Variants in GNAQ observed in about 807,000 individuals in gnomAD.
The protein encoded by GNAQ is G protein subunit alpha q, also known as guanine nucleotide-binding protein G(q) subunit alpha.
Under a neutral mutation model 43.9 loss-of-function variants are expected in GNAQ, and 8 were observed. The observed-to-expected ratio is 0.18, with a 90% CI of 0.11 to 0.33. The LOEUF is 0.33. Among genes scored for constraint, GNAQ ranks in the 10% least tolerant of loss-of-function variants. The pLI is 1.00. For synonymous variants in GNAQ, 155 were observed against 170.7 expected (o/e 0.91, Z 0.71); for missense variants, 158 against 450.8 (o/e 0.35, Z 5.88).
rs536552804 is a variant in GNAQ, at chr9:77,868,784, A to G, written c.322-53014T>C. On this transcript the variant is annotated intron_variant, in intron 2 of 6. Transcript: ENST00000286548. Reference sequence around the variant, plus strand: ...CACTCCAGCCTGGTGACAGAGCGAGACTCCATCTCAAAACAAACAAACAAA... The same window carrying G: ...CACTCCAGCCTGGTGACAGAGCGAGGCTCCATCTCAAAACAAACAAACAAA... 2.0e-5 allele frequency among the ~76,000 whole-genome samples: 3 copies of G among 151,754 alleles called. No homozygotes were observed. The South Asian group carries it at 6.3e-4, about 32-fold the overall frequency.
intron 1 of GNAQ, among the ~76,000 whole-genome samples, chr9:77,945,879 G>T (rs1446005115): frequency 2.0e-5 from 3 of 152,084 alleles, no homozygotes; most frequent in Non-Finnish European, 4.4e-5. Flanking sequence ...AGGAAACTGA[G>T]GTCTACTGAA....
chr9:77,855,984 C>T (rs904123873), intron 2 of GNAQ, among the ~76,000 whole-genome samples: 1 of 152,154 alleles, frequency 6.6e-6, no homozygotes, highest in African/African-American at 2.4e-5. Context: ...GAACATAACA[C>T]AGACTATAGC....
intron 1 of GNAQ, among the ~76,000 whole-genome samples, chr9:78,017,779 T>C (rs1032286730): frequency 6.6e-6 from 1 of 152,136 alleles, no homozygotes; most frequent in African/African-American, 2.4e-5. Flanking sequence ...AAAGGCTAAT[T>C]TCATTTGTAG....
At chr9:77,946,495 C>T (rs934867066) in intron 1 of GNAQ, among the ~76,000 whole-genome samples, 1 of 152,180 alleles carries the variant, frequency 6.6e-6, no homozygotes, top group Non-Finnish European at 1.5e-5. Context: ...AAGCACATTA[C>T]GTCTTAGCAC....
chr9:77,862,055 AC>A (rs1827864102), intron 2 of GNAQ, among the ~76,000 whole-genome samples: 1 of 149,832 alleles, frequency 6.7e-6, no homozygotes, highest in Non-Finnish European at 1.5e-5. Flanking sequence ...ATGGTCTTGG[AC>A]AGTTCTGCCG....
At chr9:77,992,894 G>A (rs557215469) in intron 1 of GNAQ, among the ~76,000 whole-genome samples, 13 of 152,226 alleles carry the variant, frequency 8.5e-5, no homozygotes, top group South Asian at 6.2e-4. Flanking sequence ...GCAGCGAGCC[G>A]AGATCAAGCC....
intron 5 of GNAQ, among the ~76,000 whole-genome samples, chr9:77,749,969 G>A (rs1043762893): frequency 1.3e-5 from 2 of 151,822 alleles, no homozygotes; most frequent in African/African-American, 4.8e-5. Flanking sequence ...AATTTAGACT[G>A]TTTTATTCTC....
chr9:77,975,837 C>T (rs993332005), intron 1 of GNAQ, among the ~76,000 whole-genome samples: 1 of 151,914 alleles, frequency 6.6e-6, no homozygotes, highest in Non-Finnish European at 1.5e-5. Context: ...CGCTCAGCCC[C>T]GTTATCGGCC....
intron 1 of GNAQ, among the ~76,000 whole-genome samples, chr9:77,938,861 A>G (rs1003488673): frequency 6.6e-6 from 1 of 152,226 alleles, no homozygotes; most frequent in Non-Finnish European, 1.5e-5. Context: ...CTAAGTATGC[A>G]CAACTGAATA....
chr9:77,933,905 C>G (rs901358537), intron 1 of GNAQ, among the ~76,000 whole-genome samples: 1 of 152,114 alleles, frequency 6.6e-6, no homozygotes, highest in Non-Finnish European at 1.5e-5. Context: ...AATGCAGCGG[C>G]TGGGAAATTA....
intron 5 of GNAQ, among the ~76,000 whole-genome samples, chr9:77,732,034 C>G (rs1370556134): frequency 6.6e-6 from 1 of 152,110 alleles, no homozygotes; most frequent in Non-Finnish European, 1.5e-5. Flanking sequence ...CCTAAATGGA[C>G]TAAATGAGAT....
At chr9:77,763,114 A>C (rs1387445898) in intron 5 of GNAQ, among the ~76,000 whole-genome samples, 2 of 140,518 alleles carry the variant, frequency 1.4e-5, no homozygotes, top group African/African-American at 5.3e-5. Flanking sequence ...AATTAAAAAA[A>C]AACAAAAAAA....
intron 5 of GNAQ, among the ~76,000 whole-genome samples, chr9:77,751,405 T>C (rs1272540500): frequency 6.6e-6 from 1 of 152,228 alleles, no homozygotes; most frequent in African/African-American, 2.4e-5. Context: ...ACTAACTCTA[T>C]ATACATGGCA....
At chr9:77,724,477 G>A (rs11145545) in intron 6 of GNAQ, among the ~76,000 whole-genome samples, 16 of 152,204 alleles carry the variant, frequency 1.1e-4, no homozygotes, top group African/African-American at 3.9e-4. Context: ...GATTACAGGC[G>A]TGAGCCACCA....
At chr9:77,745,369 C>T (rs1006845772) in intron 5 of GNAQ, among the ~76,000 whole-genome samples, 1 of 152,040 alleles carries the variant, frequency 6.6e-6, no homozygotes, top group Admixed American at 6.6e-5. Flanking sequence ...GCAGAAAATA[C>T]TGAGACCTAA....
At chr9:77,903,911 T>C (rs1828658349) in intron 2 of GNAQ, among the ~76,000 whole-genome samples, 1 of 143,382 alleles carries the variant, frequency 7.0e-6, no homozygotes, top group African/African-American at 2.5e-5. Flanking sequence ...TACACATACC[T>C]TCCATATTTT....
intron 2 of GNAQ, among the ~76,000 whole-genome samples, chr9:77,893,775 T>A (rs1011003655): frequency 5.9e-5 from 9 of 152,154 alleles, no homozygotes; most frequent in African/African-American, 2.2e-4. Context: ...TAAGTAAATT[T>A]ATGGATTCTT....
At position 77,718,419 on chromosome 9, in the gene GNAQ, A is replaced by G. The variant is rs1281707526; in HGVS notation, c.*2904T>C. 1.3e-5 allele frequency: 3 copies of G among 232,400 alleles called. No homozygotes were observed. The highest frequency in any genetic ancestry group is 6.1e-5 in the East Asian group (1 of 16,512). 14.4% of individuals were successfully genotyped at this position (232,400 alleles called of 1,614,324 possible). On this transcript the variant is annotated 3_prime_UTR_variant, in exon 7 of 7. Coordinates refer to ENST00000286548, the MANE Select transcript of GNAQ (RefSeq NM_002072.5). The stretch of plus-strand genomic sequence containing the variant: ...GGCTAAAATTAGGTTTCTATGCATC[A>G]CTGCTGCTAGGGTGATCAATTTTTT...
intron 3 of GNAQ, among the ~76,000 whole-genome samples, chr9:77,802,388 T>G (rs951835379): frequency 6.6e-5 from 10 of 151,814 alleles, no homozygotes; most frequent in Non-Finnish European, 1.3e-4. Context: ...ATGGTAAGAG[T>G]AGAACATCAT....
Sources: allele counts gnomAD v4.1 joint callset (sites outside exome capture counted in the v4.1 genomes callset), GRCh38; gene constraint gnomAD v4.1.1; transcripts MANE v1.5; gene names NCBI Gene and HGNC (gene_info 2026-07-23, HGNC 2026-07-21).